The following ETV6 variants were observed in gnomAD, a reference collection of about 807,000 sequenced individuals.
ETV6 encodes ETS variant transcription factor 6.
A neutral mutation model predicts 51.1 loss-of-function variants in ETV6; 16 were observed. The observed-to-expected ratio is 0.31, with a 90% CI of 0.21 to 0.48. The LOEUF is 0.48. ETV6 is among the 20% of genes least tolerant of loss of function. The pLI is 0.99. For missense variants in ETV6, 458 were observed against 594.8 expected, an observed-to-expected ratio of 0.77 and a Z score of 2.39; for synonymous variants, 240 against 224.1, an observed-to-expected ratio of 1.07 and a Z score of -0.64.
At chr12:11,789,058 A>T (rs528571529) in intron 2 of ETV6, among the ~76,000 whole-genome samples, 14 of 152,210 alleles carry the variant, frequency 9.2e-5, no homozygotes, top group African/African-American at 3.4e-4. Context: ...TTTGAGACAG[A>T]GGCTCACATT....
chr12:11,836,505 G>C (rs1366192166), intron 2 of ETV6, among the ~76,000 whole-genome samples: 3 of 152,164 alleles, frequency 2.0e-5, no homozygotes, highest in African/African-American at 7.2e-5. Flanking sequence ...TTTCCACACG[G>C]TGGCCCTGGT....
chr12:11,728,161 G>A (rs1865524810), intron 1 of ETV6, among the ~76,000 whole-genome samples: 1 of 152,120 alleles, frequency 6.6e-6, no homozygotes, highest in African/African-American at 2.4e-5. Context: ...TTCAGTTCAT[G>A]GGCCTTATGT....
At chr12:11,790,762 T>C (rs544212429) in intron 2 of ETV6, among the ~76,000 whole-genome samples, 44 of 150,278 alleles carry the variant, frequency 2.9e-4, no homozygotes, top group Middle Eastern at 3.4e-3. Flanking sequence ...ACTGCAACCT[T>C]CACCTCCTGG....
At chr12:11,747,382 AAACCAT>A (rs1865927777) in intron 1 of ETV6, among the ~76,000 whole-genome samples, 1 of 152,194 alleles carries the variant, frequency 6.6e-6, no homozygotes, top group Non-Finnish European at 1.5e-5. Context: ...TTGGATGTCT[AAACCAT>A]CTTCTGGTAA....
At chr12:11,840,582 G>A (rs60622848) in intron 3 of ETV6, 10,878 of 449,970 alleles carry the variant, frequency 0.024, 973 homozygotes, top group African/African-American at 0.2. Context: ...TAAACTAACC[G>A]TCATGAGGAA....
chr12:11,712,369 T>G (rs1428494374), intron 1 of ETV6, among the ~76,000 whole-genome samples: 1 of 152,208 alleles, frequency 6.6e-6, no homozygotes, highest in African/African-American at 2.4e-5. Flanking sequence ...AGAGGTCCTG[T>G]GTGGAAGAAA....
At chr12:11,688,157 G>A (rs563320398) in intron 1 of ETV6, among the ~76,000 whole-genome samples, 1 of 152,304 alleles carries the variant, frequency 6.6e-6, no homozygotes, top group East Asian at 1.9e-4. Context: ...ACGTCAGGGT[G>A]GTCTAGGAGA....
At chr12:11,718,997 A>G (rs1014419809) in intron 1 of ETV6, among the ~76,000 whole-genome samples, 2 of 152,184 alleles carry the variant, frequency 1.3e-5, no homozygotes, top group Admixed American at 1.3e-4. Flanking sequence ...TGCAGAATGT[A>G]TGTGTTTAGT....
chr12:11,722,324 G>T (rs1370337071), intron 1 of ETV6, among the ~76,000 whole-genome samples: 3 of 152,100 alleles, frequency 2.0e-5, no homozygotes, highest in Non-Finnish European at 4.4e-5. Flanking sequence ...AGCAGCTCCA[G>T]GGAGGAGAAG....
chr12:11,823,530 G>A (rs1039979682), intron 2 of ETV6, among the ~76,000 whole-genome samples: 2 of 149,176 alleles, frequency 1.3e-5, no homozygotes, highest in Admixed American at 1.3e-4. Flanking sequence ...GCGGTGGTAC[G>A]ATCTCTGCTC....
chr12:11,652,632 C>G (rs980237647), intron 1 of ETV6, among the ~76,000 whole-genome samples: 9 of 152,202 alleles, frequency 5.9e-5, no homozygotes, highest in African/African-American at 1.7e-4. Context: ...TCCTCACTTG[C>G]TTTCATTCCT....
At chr12:11,883,270 CTTCTTCTTTTT>C (rs768185846) in intron 5 of ETV6, among the ~76,000 whole-genome samples, 9 of 14,674 alleles carry the variant, frequency 6.1e-4, no homozygotes, top group Non-Finnish European at 1.4e-3. Context: ...TACATCATGT[CTTCTTCTTTTT>C]TTTTTTTTTT....
rs73288732 is a variant in ETV6 at position 11,703,047 on chromosome 12, C to G, written c.34-49403C>G. On this transcript the variant is annotated intron_variant, in intron 1 of 7. Coordinates refer to ENST00000396373, the MANE Select transcript of ETV6 (RefSeq NM_001987.5). ...CCTGAGTCCGGAGAGGTTGAGGCTG[C>G]AGTGAGTCAAGATCGTGCCACTGCA... Among the ~76,000 whole-genome samples, 1,310 of 152,276 alleles carry G rather than the reference C, an allele frequency of 8.6e-3. 19 individuals carry two copies. The highest frequency in any genetic ancestry group is 0.029 in the African/African-American group (1,189 of 41,540).
At chr12:11,874,589 TACAC>T (rs1946942747) in intron 5 of ETV6, among the ~76,000 whole-genome samples, 1 of 12,236 alleles carries the variant, frequency 8.2e-5, no homozygotes, top group African/African-American at 1.1e-4. Context: ...TATGTGTGTA[TACAC>T]ATATATGTGT....
rs570420223 is a variant in ETV6, at chr12:11,812,207, G to A, written c.164-26933G>A. 1.3e-4 allele frequency among the ~76,000 whole-genome samples: 20 copies of A among 152,162 alleles called. No homozygotes were observed. The South Asian group carries it at 3.1e-3, about 24-fold the overall frequency. On this transcript the variant is annotated intron_variant, in intron 2 of 7. Coordinates refer to ENST00000396373, the MANE Select transcript of ETV6 (RefSeq NM_001987.5). ...TTCTCCCATTTTGGAGAAATTGACC[G>A]CGTGCACACTCTTCACTGGAGTTTT...
chr12:11,704,892 C>G (rs1253280099), intron 1 of ETV6, among the ~76,000 whole-genome samples: 1 of 152,098 alleles, frequency 6.6e-6, no homozygotes, highest in Non-Finnish European at 1.5e-5. Flanking sequence ...CCATTTGCCA[C>G]AACATGGATA....
At chr12:11,763,792 T>C (rs1210364456) in intron 2 of ETV6, among the ~76,000 whole-genome samples, 6 of 152,254 alleles carry the variant, frequency 3.9e-5, no homozygotes, top group Admixed American at 3.9e-4. Context: ...AGACGCTGTG[T>C]AGCTCTCTCA....
chr12:11,844,790 G>T (rs1036661634), intron 3 of ETV6, among the ~76,000 whole-genome samples: 2 of 149,636 alleles, frequency 1.3e-5, no homozygotes, highest in Non-Finnish European at 3.0e-5. Flanking sequence ...TCACACATCA[G>T]AGAAATGCTT....
Position 11,742,801 on chromosome 12 carries a change from CTTTCTTTTTTT to C in ETV6, c.34-9645_34-9635del, listed in dbSNP as rs1184902644. On this transcript the variant is annotated intron_variant, in intron 1 of 7. Coordinates refer to ENST00000396373, the MANE Select transcript of ETV6 (RefSeq NM_001987.5). ...GCTTCATCTCATTTTTCTTTTCTTTCTTTCTTTTTTTTTTTTTTTTTTGGAGACAGCATCTT... is the reference window on the plus strand; with the variant it reads ...GCTTCATCTCATTTTTCTTTTCTTTCTTTTTTTTTTTGGAGACAGCATCTT... Among the ~76,000 whole-genome samples the C allele has an allele frequency of 6.3e-5, 4 of 63,068 alleles. No homozygotes were observed. The East Asian group carries it at 1.3e-3, about 21-fold the overall frequency. The allele number at this position is 63,068 out of a possible 152,430, so 41.4% of individuals were successfully genotyped here.
Sources: gnomAD v4.1 joint callset for allele counts (sites outside exome capture counted in the v4.1 genomes callset) on GRCh38, gnomAD v4.1.1 for gene constraint, MANE v1.5 for transcripts, NCBI Gene and HGNC (gene_info 2026-07-23, HGNC 2026-07-21) for gene names.